MYO9A: variants seen among roughly 807,000 people sequenced by gnomAD.
The protein encoded by MYO9A is myosin IXA.
MYO9A carries 103 observed loss-of-function variants against 293.3 expected under a neutral mutation model. The ratio of observed to expected loss-of-function variants is 0.35; its 90% confidence interval spans 0.30 to 0.41. The LOEUF (loss-of-function observed/expected upper bound fraction) is 0.41, where lower values mean the gene tolerates loss of function less well. MYO9A is among the 10% of genes least tolerant of loss of function. The pLI is 1.00. For synonymous variants in MYO9A, 1,001 were observed against 1,035.7 expected (o/e 0.97, Z 0.64); for missense variants, 2,685 against 3,033.0 (o/e 0.89, Z 2.69).
intron 22 of MYO9A, among the ~76,000 whole-genome samples, chr15:71,902,477 GC>G (rs1449473402): frequency 6.6e-6 from 1 of 151,990 alleles, no homozygotes; most frequent in Non-Finnish European, 1.5e-5. Context: ...TAAAATGGAA[GC>G]AGTAGTAATG....
At chr15:72,016,210 C>T (rs35408293) in intron 6 of MYO9A, among the ~76,000 whole-genome samples, 2,007 of 152,042 alleles carry the variant, frequency 0.013, 21 homozygotes, top group East Asian at 0.021. Flanking sequence ...CCTCAGAACA[C>T]AAGGAGATAC....
intron 3 of MYO9A, among the ~76,000 whole-genome samples, 158 bp downstream of exon 3, chr15:72,032,336 T>C (rs2077898647): frequency 6.6e-6 from 1 of 152,230 alleles, no homozygotes; most frequent in Non-Finnish European, 1.5e-5. Flanking sequence ...AAAATTTTTC[T>C]GAGGTTTTAA....
intron 1 of MYO9A, among the ~76,000 whole-genome samples, chr15:72,112,980 T>G (rs1262177858): frequency 6.6e-6 from 1 of 152,324 alleles, no homozygotes; most frequent in African/African-American, 2.4e-5. Context: ...CCTGTAATCC[T>G]AGCACTTTCA....
upstream of MYO9A, chr15:72,118,266 A>C: frequency 1.0e-5 from 3 of 295,500 alleles, no homozygotes; most frequent in East Asian, 5.7e-5. Context: ...CCCCTTTCCT[A>C]CGCCCCAGGC....
At chr15:72,082,136 A>G (rs923064732) in intron 1 of MYO9A, among the ~76,000 whole-genome samples, 1 of 152,118 alleles carries the variant, frequency 6.6e-6, no homozygotes, top group African/African-American at 2.4e-5. Context: ...TGGCCATTTT[A>G]ACAAACTGAT....
chr15:71,843,742 C>A (rs768608277), intron 39 of MYO9A, among the ~76,000 whole-genome samples: 1 of 152,170 alleles, frequency 6.6e-6, no homozygotes, highest in Non-Finnish European at 1.5e-5. Context: ...CTCGGCCTCC[C>A]GAAGTTCTGG....
intron 25 of MYO9A, among the ~76,000 whole-genome samples, chr15:71,893,999 A>G (rs2057253984): frequency 6.6e-6 from 1 of 152,208 alleles, no homozygotes; most frequent in Non-Finnish European, 1.5e-5. Flanking sequence ...CAGTGGGTAT[A>G]TTCCACTATG....
chr15:71,954,440 G>C (rs1403972748), intron 14 of MYO9A, among the ~76,000 whole-genome samples: 1 of 152,014 alleles, frequency 6.6e-6, no homozygotes, highest in African/African-American at 2.4e-5. Context: ...TCCTGACCTC[G>C]TGATCCACCT....
intron 33 of MYO9A, 43 bp downstream of exon 33, chr15:71,862,457 T>A (rs1163450555): frequency 7.0e-7 from 1 of 1,424,018 alleles, no homozygotes; most frequent in South Asian, 1.2e-5. Flanking sequence ...GAAACAGAAA[T>A]GTCAGTGGTT....
rs974736087 is a variant in MYO9A at position 71,826,516 on chromosome 15, C to A, written c.*64G>T. 6.9e-7 allele frequency: 1 copy of A among 1,458,154 alleles called. No individual in the cohort carries two copies. The highest frequency in any genetic ancestry group is 2.3e-5 in the Admixed American group (1 of 44,368). The allele number at this position is 1,458,154 out of a possible 1,614,324, so 90.3% of individuals were successfully genotyped here. On this transcript the variant is annotated 3_prime_UTR_variant, in exon 42 of 42. Transcript: ENST00000356056. Reference sequence around the variant, plus strand: ...GACTATTGTGGACGAGGTGATGAAACGCAGCCCCAAAGGTGAGATTTGTTT... The same window carrying A: ...GACTATTGTGGACGAGGTGATGAAAAGCAGCCCCAAAGGTGAGATTTGTTT...
At chr15:71,870,187 T>G (rs1415326458) in intron 32 of MYO9A, among the ~76,000 whole-genome samples, 2 of 151,676 alleles carry the variant, frequency 1.3e-5, no homozygotes, top group Non-Finnish European at 2.9e-5. Flanking sequence ...ATTTTGAAAG[T>G]CTGTATTACT....
chr15:71,959,863 A>AAT, intron 14 of MYO9A, 38 bp downstream of exon 14: 1 of 1,506,478 alleles, frequency 6.6e-7, no homozygotes, highest in Non-Finnish European at 8.9e-7. Flanking sequence ...AAAAAAAAAA[A>AAT]GATGAAGTAT....
Position 71,822,787 on chromosome 15 carries a change from G to A in MYO9A, c.*3793C>T, listed in dbSNP as rs570594323. 6.6e-6 allele frequency: 1 copy of A among 152,314 alleles called. No individual in the cohort carries two copies. Among genetic ancestry groups the A allele is most frequent in the South Asian group, 2.1e-4 (1 of 4,826 alleles). The allele number at this position is 152,314 out of a possible 1,614,324, so 9.4% of individuals were successfully genotyped here. On this transcript the variant is annotated 3_prime_UTR_variant, in exon 42 of 42. Coordinates refer to ENST00000356056, the MANE Select transcript of MYO9A (RefSeq NM_006901.4). ...TGACTAGCAAGGTGACAGGCCCATT[G>A]TTGGGGCTTTTTTGAAAATAGTTTC...
At position 72,117,961 on chromosome 15, in the gene MYO9A, C is replaced by G. The variant is rs2081063809; in HGVS notation, c.-353G>C. On this transcript the variant is annotated 5_prime_UTR_variant, in exon 1 of 42. Coordinates refer to ENST00000356056, the MANE Select transcript of MYO9A (RefSeq NM_006901.4). ...GGACCGCCGCCTCAACCGCTGCCAG[C>G]GGCCGCCTCTGCCGGTGCAACTACT... 9 of 400,996 alleles carry G rather than the reference C, an allele frequency of 2.2e-5. No homozygotes were observed. In the East Asian group the frequency reaches 3.2e-4, roughly 14 times the overall value. 24.8% of individuals were successfully genotyped at this position (400,996 alleles called of 1,614,324 possible). A position where few individuals can be genotyped will look rare whatever the true frequency, so the allele number is the denominator to read the frequency against.
intron 5 of MYO9A, 82 bp downstream of exon 5, chr15:72,020,836 G>T (rs1045886797): frequency 2.6e-6 from 2 of 779,432 alleles, no homozygotes; most frequent in Non-Finnish European, 1.9e-6. Flanking sequence ...CTAGGTTTGA[G>T]AAAGTACTAG....
At position 71,883,683 on chromosome 15, in the gene MYO9A, T is replaced by G. The variant is rs556967476; in HGVS notation, c.5309A>C (p.Lys1770Thr). 1.2e-4 allele frequency: 193 copies of G among 1,613,554 alleles called. No individual in the cohort carries two copies. Among genetic ancestry groups the G allele is most frequent in the South Asian group, 2.0e-4 (18 of 91,048 alleles). The change falls in exon 28 of 42, where the codon AAG (lysine) becomes ACG (threonine). Residue 1770 changes from lysine to threonine, a missense_variant. Coordinates refer to ENST00000356056, the MANE Select transcript of MYO9A (RefSeq NM_006901.4). ...GGTAGTAGGTTTCACTCTGGTAGTC[T>G]TCTTCTCCCCTTGTTTCCCTTTGGC... ...FWAKGKQGEK[K>T]TTRVKPTTQS...
chr15:72,014,248 C>T (rs1254934222), intron 6 of MYO9A, among the ~76,000 whole-genome samples: 1 of 152,224 alleles, frequency 6.6e-6, no homozygotes, highest in African/African-American at 2.4e-5. Context: ...GGATTCCAAC[C>T]AAGCCTATGT....
intron 3 of MYO9A, among the ~76,000 whole-genome samples, chr15:72,030,893 C>T (rs965037397): frequency 6.6e-6 from 1 of 152,158 alleles, no homozygotes; most frequent in African/African-American, 2.4e-5. Flanking sequence ...GGGGCCCCAA[C>T]CCCCAGGGCA....
intron 30 of MYO9A, 40 bp downstream of exon 30, chr15:71,879,681 T>C: frequency 6.9e-7 from 1 of 1,439,612 alleles, no homozygotes; most frequent in Non-Finnish European, 9.7e-7. Flanking sequence ...ATTTTTCATA[T>C]GTTGAACTAC....
Sources: allele counts gnomAD v4.1 joint callset (sites outside exome capture counted in the v4.1 genomes callset), GRCh38; gene constraint gnomAD v4.1.1; transcripts MANE v1.5; gene names NCBI Gene and HGNC (gene_info 2026-07-23, HGNC 2026-07-21).